Variants in KIF26B observed in about 807,000 individuals in gnomAD.
The protein encoded by KIF26B is kinesin family member 26B.
A neutral mutation model predicts 151.2 loss-of-function variants in KIF26B; 63 were observed. The ratio of observed to expected loss-of-function variants is 0.42; its 90% CI spans 0.34 to 0.51. The LOEUF is 0.51. KIF26B is among the 20% of genes least tolerant of loss of function. The pLI is 0.07. For missense variants in KIF26B, 2,813 were observed against 2,913.6 expected (o/e 0.97, Z 0.79); for synonymous variants, 1,357 against 1,262.1 (o/e 1.08, Z -1.59).
intron 2 of KIF26B, among the ~76,000 whole-genome samples, chr1:245,184,047 G>GTTTTTTTTTTTTTTTTTTTT (rs1469137088): frequency 0.01 from 94 of 9,236 alleles, 7 homozygotes; most frequent in African/African-American, 0.015. Context: ...GGTGGGAGTT[G>GTTTTTTTTTTTTTTTTTTTT]TTGTTTTTTT....
intron 2 of KIF26B, among the ~76,000 whole-genome samples, chr1:245,344,705 T>G (rs72761146): frequency 6.6e-6 from 1 of 151,624 alleles, no homozygotes; most frequent in East Asian, 2.0e-4. Flanking sequence ...CCAGGCAGCC[T>G]TAGGTTCTGC....
At chr1:245,683,017 T>G (rs4658466) in intron 10 of KIF26B, among the ~76,000 whole-genome samples, 6 of 152,028 alleles carry the variant, frequency 3.9e-5, no homozygotes, top group Non-Finnish European at 7.4e-5. Flanking sequence ...GGAAGTGAGC[T>G]TTAGCCCAGC....
At chr1:245,165,601 G>C (rs1378270534) in intron 2 of KIF26B, among the ~76,000 whole-genome samples, 1 of 152,176 alleles carries the variant, frequency 6.6e-6, no homozygotes, top group Non-Finnish European at 1.5e-5. Flanking sequence ...TGAGACGACA[G>C]ACAGCTGAAC....
intron 4 of KIF26B, among the ~76,000 whole-genome samples, chr1:245,534,829 C>G (rs1661454253): frequency 6.6e-6 from 1 of 150,466 alleles, no homozygotes; most frequent in Non-Finnish European, 1.5e-5. Flanking sequence ...GTCACCCAGG[C>G]TGGAGTGCAG....
intron 4 of KIF26B, among the ~76,000 whole-genome samples, chr1:245,493,036 C>T (rs1222673351): frequency 6.6e-6 from 1 of 152,134 alleles, no homozygotes; most frequent in Admixed American, 6.5e-5. Context: ...GCCTCGGCTT[C>T]CCAAAGTGCT....
At position 245,358,900 on chromosome 1, in the gene KIF26B, T is replaced by C. The variant is rs1280188120; in HGVS notation, c.466-7934T>C. 6.6e-6 allele frequency among the ~76,000 whole-genome samples: 1 copy of C among 152,188 alleles called. No individual in the cohort carries two copies. The highest frequency in any genetic ancestry group is 1.5e-5 in the Non-Finnish European group (1 of 68,026). ...TTTAAGTACGTAGTAGGAATCTACT[T>C]TCCCATCTTAAGCTCTGAATCTATT... On this transcript the variant is annotated intron_variant, in intron 2 of 14. Transcript: ENST00000407071. This position sits in a 1 kb window ranked among gnomAD's most constrained non-coding sequence, Gnocchi z 4.1.
intron 10 of KIF26B, among the ~76,000 whole-genome samples, chr1:245,652,102 CTGTGTG>C (rs56893913): frequency 0.048 from 6,574 of 136,398 alleles, 165 homozygotes; most frequent in African/African-American, 0.07. Flanking sequence ...ATGTAAGAAT[CTGTGTG>C]TGTGTGTGTG....
intron 2 of KIF26B, among the ~76,000 whole-genome samples, chr1:245,264,288 T>C (rs1168522629): frequency 6.6e-6 from 1 of 152,230 alleles, no homozygotes; most frequent in African/African-American, 2.4e-5. Flanking sequence ...TCCTTTCTTA[T>C]ATCTTCAGCA....
At chr1:245,192,180 C>G (rs1025321247) in intron 2 of KIF26B, among the ~76,000 whole-genome samples, 1 of 152,094 alleles carries the variant, frequency 6.6e-6, no homozygotes, top group Non-Finnish European at 1.5e-5. Context: ...AAATTATGAT[C>G]AATCTATTTG....
intron 10 of KIF26B, among the ~76,000 whole-genome samples, chr1:245,674,585 T>C (rs930488090): frequency 6.6e-6 from 1 of 152,226 alleles, no homozygotes; most frequent in African/African-American, 2.4e-5. Flanking sequence ...TTTCTATTTG[T>C]CTATAAAGTC....
intron 2 of KIF26B, among the ~76,000 whole-genome samples, chr1:245,193,613 C>T (rs1400043850): frequency 6.6e-6 from 1 of 152,192 alleles, no homozygotes; most frequent in Admixed American, 6.5e-5. Flanking sequence ...GTTCTAAACA[C>T]TTTATATGTG....
At chr1:245,684,530 C>T (rs571692109) in intron 11 of KIF26B, 135 bp downstream of exon 11, 10 of 961,016 alleles carry the variant, frequency 1.0e-5, no homozygotes, top group Admixed American at 8.3e-5. Flanking sequence ...GCTGACAACA[C>T]GTGGCTCAGG....
intron 2 of KIF26B, among the ~76,000 whole-genome samples, chr1:245,204,468 G>A (rs1669360658): frequency 6.6e-6 from 1 of 151,798 alleles, no homozygotes; most frequent in Admixed American, 6.6e-5. Flanking sequence ...CCATCTCCCA[G>A]GTTCAAGCAA....
chr1:245,499,805 G>A (rs1177001347), intron 4 of KIF26B, among the ~76,000 whole-genome samples: 4 of 152,240 alleles, frequency 2.6e-5, no homozygotes, highest in African/African-American at 9.6e-5. Context: ...TTCGGTTTGT[G>A]CTTGTGGTAT....
chr1:245,354,960 A>G (rs1268757033), intron 2 of KIF26B, among the ~76,000 whole-genome samples: 1 of 152,158 alleles, frequency 6.6e-6, no homozygotes, highest in Non-Finnish European at 1.5e-5. Context: ...TCGCTCTGTC[A>G]CCCAGGCTAG....
intron 2 of KIF26B, among the ~76,000 whole-genome samples, chr1:245,204,187 G>A (rs1669355235): frequency 6.6e-6 from 1 of 152,176 alleles, no homozygotes; most frequent in Non-Finnish European, 1.5e-5. Flanking sequence ...TCTCACAAGG[G>A]ATCTGGAAGG....
intron 4 of KIF26B, among the ~76,000 whole-genome samples, chr1:245,428,906 G>A (rs1045187771): frequency 6.9e-6 from 1 of 144,530 alleles, no homozygotes; most frequent in African/African-American, 2.6e-5. Context: ...ATTCTTGTAA[G>A]ATACTCTCAG....
intron 2 of KIF26B, chr1:245,354,019 A>G (rs926083349): frequency 1.3e-5 from 2 of 150,950 alleles, no homozygotes; most frequent in Non-Finnish European, 2.9e-5. Flanking sequence ...TCTGATGTTT[A>G]TGAGTGAAAA....
At chr1:245,603,370 T>A (rs946247905) in intron 6 of KIF26B, among the ~76,000 whole-genome samples, 3 of 152,126 alleles carry the variant, frequency 2.0e-5, no homozygotes, top group African/African-American at 7.2e-5. Flanking sequence ...GCCTTACAAA[T>A]CACCCTAAAA....
Sources: allele counts gnomAD v4.1 joint callset (sites outside exome capture counted in the v4.1 genomes callset), GRCh38; gene constraint gnomAD v4.1.1; non-coding constraint Gnocchi (gnomAD v3.1); transcripts MANE v1.5; gene names NCBI Gene and HGNC (gene_info 2026-07-23, HGNC 2026-07-21).